TBCK: variants seen among roughly 807,000 people sequenced by gnomAD.
TBCK encodes the protein TBC domain-containing protein kinase-like protein.
Under a neutral mutation model 113.4 loss-of-function variants are expected in TBCK, and 99 were observed. That is an observed-to-expected ratio of 0.87 (90% CI 0.74 to 1.03). The LOEUF is 1.03. Among genes scored for constraint, TBCK ranks in the 50% least tolerant of loss-of-function variants. The pLI is 0.00. For missense variants in TBCK, 1,045 were observed against 1,061.3 expected (o/e 0.98, Z 0.21); for synonymous variants, 369 against 370.8 (o/e 1.00, Z 0.05).
intron 23 of TBCK, among the ~76,000 whole-genome samples, chr4:106,128,048 G>A (rs1745441218): frequency 6.6e-6 from 1 of 152,056 alleles, no homozygotes; most frequent in African/African-American, 2.4e-5. Context: ...AACTCTAGAG[G>A]CTGAATGCAA....
chr4:106,069,306 G>T (rs1005715965), intron 25 of TBCK, among the ~76,000 whole-genome samples: 7 of 152,000 alleles, frequency 4.6e-5, no homozygotes, highest in Non-Finnish European at 8.8e-5. Context: ...TCATCCATCT[G>T]GAATTAATTT....
At chr4:106,144,567 C>T (rs184092440) in intron 23 of TBCK, among the ~76,000 whole-genome samples, 152 of 152,264 alleles carry the variant, frequency 1.0e-3, no homozygotes, top group Non-Finnish European at 1.6e-3. Flanking sequence ...ACAATAAATG[C>T]TGAATGAATA....
intron 23 of TBCK, among the ~76,000 whole-genome samples, chr4:106,164,833 A>C (rs1302418383): frequency 6.6e-6 from 1 of 151,784 alleles, no homozygotes. Context: ...TTTGAACCAA[A>C]AGTATAAAAA....
chr4:106,191,435 G>C (rs1451419343), intron 22 of TBCK, among the ~76,000 whole-genome samples: 4 of 152,090 alleles, frequency 2.6e-5, no homozygotes, highest in African/African-American at 9.7e-5. Flanking sequence ...GTGAACATTT[G>C]AACTTATTTA....
chr4:106,212,304 A>G (rs1234015989), intron 20 of TBCK, among the ~76,000 whole-genome samples: 1 of 152,170 alleles, frequency 6.6e-6, no homozygotes, highest in African/African-American at 2.4e-5. Context: ...CGCTACAGCT[A>G]ACGTTTGATT....
At chr4:106,256,188 G>A (rs1306892069) in intron 5 of TBCK, among the ~76,000 whole-genome samples, 1 of 152,154 alleles carries the variant, frequency 6.6e-6, no homozygotes, top group Non-Finnish European at 1.5e-5. Flanking sequence ...CACGGGACCT[G>A]CAGCCCATCT....
At chr4:106,297,997 A>C (rs539962511) in intron 2 of TBCK, among the ~76,000 whole-genome samples, 1 of 152,200 alleles carries the variant, frequency 6.6e-6, no homozygotes, top group Non-Finnish European at 1.5e-5. Flanking sequence ...ATTATTACTC[A>C]TTATTCAGGG....
intron 23 of TBCK, among the ~76,000 whole-genome samples, chr4:106,143,888 C>T (rs527603162): frequency 3.2e-4 from 48 of 149,842 alleles, no homozygotes; most frequent in Non-Finnish European, 5.6e-4. Flanking sequence ...CACTTCATCC[C>T]GGGCAACAAG....
chr4:106,145,904 G>C (rs974495587), intron 23 of TBCK, among the ~76,000 whole-genome samples: 1 of 152,138 alleles, frequency 6.6e-6, no homozygotes, highest in African/African-American at 2.4e-5. Flanking sequence ...ACAGATGCTG[G>C]CAAGGTTGTA....
At position 106,053,187 on chromosome 4, in the gene TBCK, C is replaced by T. The variant is rs549540444; in HGVS notation, c.2572-6507G>A. Among the ~76,000 whole-genome samples, 8 of 151,730 alleles carry T rather than the reference C, an allele frequency of 5.3e-5. No individual in the cohort carries two copies. In the South Asian group the frequency reaches 1.5e-3, roughly 28 times the overall value. ...AACAAGGGCCACGCACTGTGACTGA[C>T]GGACATCTTTTAAGGCTCTTTTAAT... On this transcript the variant is annotated intron_variant, in intron 25 of 25. Transcript: ENST00000394708.
intron 19 of TBCK, among the ~76,000 whole-genome samples, chr4:106,226,533 G>T (rs890016807): frequency 6.6e-6 from 1 of 151,996 alleles, no homozygotes; most frequent in Non-Finnish European, 1.5e-5. Flanking sequence ...TATATTAATT[G>T]GGCTTTTATA....
intron 2 of TBCK, among the ~76,000 whole-genome samples, chr4:106,303,125 C>T (rs1767123209): frequency 6.6e-6 from 1 of 152,130 alleles, no homozygotes. Context: ...TATCCAGAAG[C>T]TTTTATGCAG....
intron 3 of TBCK, among the ~76,000 whole-genome samples, chr4:106,292,755 C>G (rs111258792): frequency 0.027 from 4,091 of 152,184 alleles, 178 homozygotes; most frequent in African/African-American, 0.094. Flanking sequence ...AAAATAGTCA[C>G]CACTGGCAGC....
At chr4:106,056,024 T>C (rs1003931154) in intron 25 of TBCK, among the ~76,000 whole-genome samples, 2 of 151,164 alleles carry the variant, frequency 1.3e-5, no homozygotes, top group African/African-American at 4.9e-5. Flanking sequence ...TACTGTTTAT[T>C]ACATAAGTGG....
intron 3 of TBCK, among the ~76,000 whole-genome samples, chr4:106,271,874 A>C (rs1420820222): frequency 6.6e-6 from 1 of 152,156 alleles, no homozygotes; most frequent in Admixed American, 6.5e-5. Context: ...AATTTTAAGA[A>C]CCTTTCATCA....
chr4:106,195,202 T>C (rs1437235597), intron 20 of TBCK, among the ~76,000 whole-genome samples: 1 of 152,232 alleles, frequency 6.6e-6, no homozygotes, highest in Non-Finnish European at 1.5e-5. Flanking sequence ...CAAAGGTTTT[T>C]CTTTTAACAT....
At chr4:106,164,766 G>C (rs1750175229) in intron 23 of TBCK, among the ~76,000 whole-genome samples, 1 of 151,592 alleles carries the variant, frequency 6.6e-6, no homozygotes, top group African/African-American at 2.4e-5. Flanking sequence ...AAGTAGTGTT[G>C]TTATTATTGA....
In TBCK at chr4:106,101,853, A is replaced by G. The variant is rs947762879; in HGVS notation, c.2412-6212T>C. 3.3e-5 allele frequency among the ~76,000 whole-genome samples: 5 copies of G among 152,208 alleles called. No homozygotes were observed. The South Asian group carries it at 8.3e-4, about 25-fold the overall frequency. Reference sequence around the variant, plus strand: ...AAGAAAACTGAAACCCTAAATATTTACAACTATTAAAGAAAACAAGAGTTT... The same window carrying G: ...AAGAAAACTGAAACCCTAAATATTTGCAACTATTAAAGAAAACAAGAGTTT... On this transcript the variant is annotated intron_variant, in intron 24 of 25. Transcript: ENST00000394708.
intron 11 of TBCK, among the ~76,000 whole-genome samples, chr4:106,243,877 G>C (rs1014937787): frequency 2.0e-5 from 3 of 151,918 alleles, no homozygotes; most frequent in African/African-American, 7.3e-5. Flanking sequence ...TGTAGAGACA[G>C]GGTTTTGCCA....
Sources: gnomAD v4.1 joint callset for allele counts (sites outside exome capture counted in the v4.1 genomes callset) on GRCh38, gnomAD v4.1.1 for gene constraint, MANE v1.5 for transcripts, NCBI Gene and HGNC (gene_info 2026-07-23, HGNC 2026-07-21) for gene names.